The following ST7L variants were observed in gnomAD, a reference collection of about 807,000 sequenced individuals.
The protein encoded by ST7L is suppressor of tumorigenicity 7 protein-like.
In ST7L, 57 loss-of-function variants were observed where a neutral mutation model predicts 72.5. The ratio of observed to expected loss-of-function variants is 0.79; its 90% CI spans 0.64 to 0.98. The LOEUF (loss-of-function observed/expected upper bound fraction) is 0.98, where lower values mean the gene tolerates loss of function less well. Among genes scored for constraint, ST7L ranks in the 50% least tolerant of loss-of-function variants. The pLI is 0.00. For missense variants in ST7L, 576 were observed against 672.2 expected, an observed-to-expected ratio of 0.86 and a Z score of 1.58; for synonymous variants, 221 against 240.9, an observed-to-expected ratio of 0.92 and a Z score of 0.77.
chr1:112,538,352 A>AT (rs1191767184), intron 14 of ST7L, among the ~76,000 whole-genome samples: 3 of 151,782 alleles, frequency 2.0e-5, no homozygotes, highest in Non-Finnish European at 4.4e-5. Flanking sequence ...GTATTACAGT[A>AT]TTTTTTTTGA....
intron 11 of ST7L, among the ~76,000 whole-genome samples, chr1:112,558,643 G>A (rs982370819): frequency 6.6e-6 from 1 of 152,174 alleles, no homozygotes. Flanking sequence ...TACTAATCCA[G>A]TTTGGGGACT....
chr1:112,562,398 A>G (rs914292384), intron 11 of ST7L, among the ~76,000 whole-genome samples: 4 of 152,172 alleles, frequency 2.6e-5, no homozygotes, highest in African/African-American at 9.7e-5. Context: ...AAGTAAGACA[A>G]GTGCCCTGCT....
rs368615491 is a variant in ST7L at position 112,529,730 on chromosome 1, T to A, written c.1630-3619A>T. ...CAAAAAAACAGAAGGTTACTCTCAA[T>A]GCCATCCAAAAGATAAAAGTTAAAA... On this transcript the variant is annotated intron_variant, in intron 14 of 14. Transcript: ENST00000358039. The A allele has an allele frequency of 2.6e-4, 32 of 122,750 alleles. No homozygotes were observed. The South Asian group carries it at 8.0e-3, about 31-fold the overall frequency. 7.6% of individuals were successfully genotyped at this position (122,750 alleles called of 1,614,324 possible). A position where few individuals can be genotyped will look rare whatever the true frequency, so the allele number is the denominator to read the frequency against.
chr1:112,546,463 CA>C (rs1467588814), intron 13 of ST7L, among the ~76,000 whole-genome samples: 3 of 151,772 alleles, frequency 2.0e-5, no homozygotes, highest in Non-Finnish European at 2.9e-5. Context: ...AAGGGAAAGC[CA>C]AACTGTAAAG....
Position 112,542,034 on chromosome 1 carries a change from T to C in ST7L, c.1546A>G (p.Thr516Ala), listed in dbSNP as rs1028874555. ...KKELPLFIHF[T>A]AGFCSSTAMI... The stretch of plus-strand genomic sequence containing the variant: ...GCTGTAGAAGAGCAAAATCCTGCTG[T>C]GAAATGGATGAACAAAGGAAGCTCC... The change falls in exon 14 of 15, where the codon ACA becomes GCA. Residue 516 changes from threonine (T) to alanine (A), a missense_variant. Transcript: ENST00000358039. The C allele has an allele frequency of 1.9e-6, 3 of 1,613,408 alleles. No homozygotes were observed. Among genetic ancestry groups the C allele is most frequent in the African/African-American group, 2.7e-5 (2 of 74,898 alleles).
intron 11 of ST7L, chr1:112,571,398 T>C (rs1475879936): frequency 6.9e-6 from 3 of 435,498 alleles, no homozygotes; most frequent in South Asian, 3.3e-5. Context: ...TATGTGTGTA[T>C]GTATATCTAT....
intron 6 of ST7L, 89 bp downstream of exon 6, chr1:112,591,436 G>C (rs1224947388): frequency 3.8e-6 from 4 of 1,066,218 alleles, no homozygotes; most frequent in Non-Finnish European, 4.1e-6. Flanking sequence ...ATGACTCCAA[G>C]TGTCTTAGGA....
chr1:112,552,203 G>A (rs2101566681), intron 12 of ST7L, among the ~76,000 whole-genome samples: 1 of 152,184 alleles, frequency 6.6e-6, no homozygotes, highest in African/African-American at 2.4e-5. Flanking sequence ...ACAAAGGCAT[G>A]GGAATATCTT....
chr1:112,615,298 A>C (rs1669703403), intron 2 of ST7L, among the ~76,000 whole-genome samples: 1 of 152,168 alleles, frequency 6.6e-6, no homozygotes, highest in African/African-American at 2.4e-5. Context: ...AGGTTTCTTA[A>C]TTGTGAGAAT....
chr1:112,531,032 C>T (rs1261872702), intron 14 of ST7L, among the ~76,000 whole-genome samples: 3 of 152,196 alleles, frequency 2.0e-5, no homozygotes, highest in African/African-American at 7.2e-5. Flanking sequence ...CAGCTCTTGA[C>T]ATTATCAAGT....
At chr1:112,600,499 G>A (rs960365212) in intron 4 of ST7L, among the ~76,000 whole-genome samples, 6 of 152,078 alleles carry the variant, frequency 3.9e-5, no homozygotes, top group African/African-American at 1.4e-4. Context: ...GGGAGGCTGA[G>A]GCAGGAGAAT....
rs776434531 is a variant in ST7L at position 112,618,105 on chromosome 1, T to C, written c.205+804A>G. The C allele has an allele frequency of 4.1e-4, 539 of 1,300,948 alleles. 1 individual carries two copies. The highest frequency in any genetic ancestry group is 6.4e-4 in the Middle Eastern group (3 of 4,688). The allele number at this position is 1,300,948 out of a possible 1,614,324, so 80.6% of individuals were successfully genotyped here. ...CTGAATCATGTAATGGAAATACTTA[T>C]ATCTTGTTCTGAGGTTGCTGCTCAG... is the stretch of plus-strand genomic sequence containing the variant. On this transcript the variant is annotated intron_variant, in intron 1 of 14. Transcript: ENST00000358039.
intron 3 of ST7L, among the ~76,000 whole-genome samples, chr1:112,601,577 AG>A (rs754991111): frequency 6.6e-6 from 1 of 152,174 alleles, no homozygotes; most frequent in Non-Finnish European, 1.5e-5. Context: ...AAAAAAAAGA[AG>A]TGATTAAATT....
intron 14 of ST7L, among the ~76,000 whole-genome samples, chr1:112,538,946 G>A (rs1655646703): frequency 6.6e-6 from 1 of 152,192 alleles, no homozygotes; most frequent in African/African-American, 2.4e-5. Flanking sequence ...GGGTAGAAAA[G>A]GTTAAGTAAC....
intron 11 of ST7L, among the ~76,000 whole-genome samples, chr1:112,564,214 C>T (rs557419591): frequency 2.0e-5 from 3 of 152,138 alleles, no homozygotes; most frequent in Non-Finnish European, 4.4e-5. Flanking sequence ...GTGACTTATA[C>T]TGAAGGGAAA....
At chr1:112,561,413 T>A (rs960528284) in intron 11 of ST7L, among the ~76,000 whole-genome samples, 4 of 151,686 alleles carry the variant, frequency 2.6e-5, no homozygotes, top group Non-Finnish European at 5.9e-5. Context: ...TAATCTGATT[T>A]ATGTTTGTCT....
chr1:112,554,630 CA>C (rs1658788034), intron 12 of ST7L, among the ~76,000 whole-genome samples: 1 of 152,020 alleles, frequency 6.6e-6, no homozygotes, highest in African/African-American at 2.4e-5. Context: ...GGCATATACC[CA>C]AAAGAACTGA....
chr1:112,536,511 G>A (rs985029198), intron 14 of ST7L, among the ~76,000 whole-genome samples: 1 of 151,948 alleles, frequency 6.6e-6, no homozygotes, highest in Non-Finnish European at 1.5e-5. Flanking sequence ...AAAGACACTT[G>A]GCATTTATAT....
chr1:112,606,364 C>G (rs1056225464), intron 3 of ST7L, among the ~76,000 whole-genome samples: 7 of 152,110 alleles, frequency 4.6e-5, no homozygotes, highest in Non-Finnish European at 8.8e-5. Flanking sequence ...GCTAAATATC[C>G]AATGTCATTG....
Sources: allele counts gnomAD v4.1 joint callset (sites outside exome capture counted in the v4.1 genomes callset), GRCh38; gene constraint gnomAD v4.1.1; transcripts MANE v1.5; gene names NCBI Gene and HGNC (gene_info 2026-07-23, HGNC 2026-07-21).